Variants in PCDH9 observed in about 807,000 individuals in gnomAD.
The protein encoded by PCDH9 is protocadherin 9, also known as protocadherin-9.
A neutral mutation model predicts 70.6 loss-of-function variants in PCDH9; 24 were observed. The observed-to-expected ratio is 0.34, with a 90% CI of 0.25 to 0.48. The LOEUF is 0.48. Among genes scored for constraint, PCDH9 ranks in the 20% least tolerant of loss-of-function variants. The probability of loss-of-function intolerance (pLI) is 0.99; values close to 1 mark genes in which losing one functional copy is unlikely to be tolerated. For missense variants in PCDH9, 1,281 were observed against 1,503.6 expected, an observed-to-expected ratio of 0.85 and a Z score of 2.45; for synonymous variants, 562 against 558.5, an observed-to-expected ratio of 1.01 and a Z score of -0.09.
At chr13:66,386,879 C>G (rs1202312677) in intron 4 of PCDH9, among the ~76,000 whole-genome samples, 2 of 152,104 alleles carry the variant, frequency 1.3e-5, no homozygotes, top group African/African-American at 4.8e-5. Context: ...CATAGTTTCT[C>G]AGTGTTTCAA....
intron 4 of PCDH9, among the ~76,000 whole-genome samples, chr13:66,339,513 T>C (rs1956092002): frequency 6.6e-6 from 1 of 152,146 alleles, no homozygotes; most frequent in East Asian, 1.9e-4. Context: ...ATACTTTTAC[T>C]TGTTTCTTTA....
intron 3 of PCDH9, among the ~76,000 whole-genome samples, chr13:66,891,384 G>A (rs2082093028): frequency 6.6e-6 from 1 of 151,952 alleles, no homozygotes; most frequent in South Asian, 2.1e-4. Context: ...TAACTAGGCG[G>A]ATAAATGAAT....
At chr13:66,427,166 C>G (rs1403369772) in intron 4 of PCDH9, among the ~76,000 whole-genome samples, 2 of 151,482 alleles carry the variant, frequency 1.3e-5, no homozygotes, top group African/African-American at 4.8e-5. Context: ...TAGAGATGGT[C>G]ATATTAATGT....
rs1161224416 is a variant in PCDH9 at position 66,766,900 on chromosome 13, GT to G, written c.3139-135490del. The stretch of plus-strand genomic sequence containing the variant: ...CATGGTGTTAGAGTACCCCATAGTG[GT>G]TTCATTCAAAAAGTTTTTTGAAAAT... On this transcript the variant is annotated intron_variant, in intron 3 of 4. Transcript: ENST00000377865. Among the ~76,000 whole-genome samples, 4 of 152,022 alleles carry G rather than the reference GT, an allele frequency of 2.6e-5. No homozygotes were observed. The East Asian group carries it at 7.7e-4, about 29-fold the overall frequency.
At chr13:67,185,103 C>G (rs2088718537) in intron 2 of PCDH9, among the ~76,000 whole-genome samples, 1 of 151,984 alleles carries the variant, frequency 6.6e-6, no homozygotes, top group Non-Finnish European at 1.5e-5. Flanking sequence ...TACTAGAGAG[C>G]CTGGCAATTA....
At chr13:67,039,154 T>C (rs535958488) in intron 2 of PCDH9, among the ~76,000 whole-genome samples, 7 of 152,298 alleles carry the variant, frequency 4.6e-5, no homozygotes, top group Admixed American at 2.6e-4. Flanking sequence ...CCTTCTGGAA[T>C]TGGAACTGCA....
At chr13:66,427,668 C>T (rs77619634) in intron 4 of PCDH9, among the ~76,000 whole-genome samples, 2 of 151,788 alleles carry the variant, frequency 1.3e-5, no homozygotes, top group East Asian at 3.9e-4. Flanking sequence ...TAGCCTCTTC[C>T]CACCTTTTTT....
At chr13:66,330,531 A>G (rs198036) in intron 4 of PCDH9, among the ~76,000 whole-genome samples, 151,218 of 152,246 alleles carry the variant, frequency 0.99, 75,108 homozygotes, top group Middle Eastern at 1. Context: ...ACAGTGCTGG[A>G]TTTGTTTTCC....
chr13:66,777,580 G>T lies in PCDH9; in HGVS notation c.3138+125924C>A, dbSNP rs1317539964. 5.3e-5 allele frequency among the ~76,000 whole-genome samples: 8 copies of T among 152,234 alleles called. No individual in the cohort carries two copies. In the South Asian group the frequency reaches 1.7e-3, roughly 32 times the overall value. Reference sequence around the variant, plus strand: ...GAAATGCAAATCAAAACCACAGTGAGATACCATCTCACACCAGTTAGAATG... The same window carrying T: ...GAAATGCAAATCAAAACCACAGTGATATACCATCTCACACCAGTTAGAATG... On this transcript the variant is annotated intron_variant, in intron 3 of 4. Coordinates refer to ENST00000377865, the MANE Select transcript of PCDH9 (RefSeq NM_203487.3).
intron 3 of PCDH9, among the ~76,000 whole-genome samples, chr13:66,671,630 A>G (rs1424692667): frequency 6.6e-6 from 1 of 152,190 alleles, no homozygotes; most frequent in East Asian, 1.9e-4. Context: ...TTTAGCAAAG[A>G]GACTGGTGGC....
chr13:66,385,011 C>G (rs751601617), intron 4 of PCDH9, among the ~76,000 whole-genome samples: 2 of 152,098 alleles, frequency 1.3e-5, no homozygotes, highest in Non-Finnish European at 2.9e-5. Context: ...TCTCTCATTT[C>G]TTCACATTTC....
At chr13:66,773,946 T>G (rs2079850856) in intron 3 of PCDH9, among the ~76,000 whole-genome samples, 1 of 151,596 alleles carries the variant, frequency 6.6e-6, no homozygotes. Flanking sequence ...CCCGGCTAAT[T>G]TTTGTATTTT....
At position 66,304,923 on chromosome 13, in the gene PCDH9, C is replaced by T. The variant is rs1336069735; in HGVS notation, c.3446G>A (p.Gly1149Asp). ...AGGAGATTTGGGGTGTTGATATGGACCCAAGCCAGGAGGCATCCAGCAATT... is the reference window on the plus strand; with the variant it reads ...AGGAGATTTGGGGTGTTGATATGGATCCAAGCCAGGAGGCATCCAGCAATT... ...SDNCWMPPGL[G>D]PYQHPKSPLS... Residue 1149 changes from glycine to aspartate, a missense_variant, in exon 5 of 5, where the codon GGT becomes GAT. Around this residue, in one of 4 missense-constraint regions of PCDH9, gnomAD observed 264 missense variants for 278.8 expected, o/e 0.95. Coordinates refer to ENST00000377865, the MANE Select transcript of PCDH9 (RefSeq NM_203487.3). 6.2e-7 allele frequency: 1 copy of T among 1,613,368 alleles called. No homozygotes were observed. The highest frequency in any genetic ancestry group is 2.2e-5 in the East Asian group (1 of 44,852).
At chr13:66,626,983 G>A (rs1377467696) in intron 4 of PCDH9, among the ~76,000 whole-genome samples, 1 of 150,988 alleles carries the variant, frequency 6.6e-6, no homozygotes, top group Non-Finnish European at 1.5e-5. Context: ...GTGTGTGTGT[G>A]TGTGTTTAGA....
intron 3 of PCDH9, among the ~76,000 whole-genome samples, chr13:66,696,733 G>A (rs994797361): frequency 2.6e-5 from 4 of 151,412 alleles, no homozygotes; most frequent in African/African-American, 9.7e-5. Flanking sequence ...TCCAATGGGA[G>A]CTGGCATTTC....
In PCDH9 at chr13:66,631,032, C is replaced by T. The variant is rs117238554; in HGVS notation, c.3340+178G>A. ...AATGAAGACACATCATACAATTTAA[C>T]AGCCAAAATCATATCAAACATATTA... is the stretch of plus-strand genomic sequence containing the variant. On this transcript the variant is annotated intron_variant, in intron 4 of 4. Transcript: ENST00000377865. Among the ~76,000 whole-genome samples the T allele has an allele frequency of 3.9e-5, 6 of 152,110 alleles. No individual in the cohort carries two copies. In the East Asian group the frequency reaches 1.2e-3, roughly 29 times the overall value.
chr13:66,774,542 G>A (rs973615104), intron 3 of PCDH9, among the ~76,000 whole-genome samples: 3 of 152,250 alleles, frequency 2.0e-5, no homozygotes, highest in Admixed American at 6.5e-5. Flanking sequence ...ACAGATTGAG[G>A]CGGCTGTGTA....
chr13:66,770,460 A>G (rs1415593063), intron 3 of PCDH9, among the ~76,000 whole-genome samples: 1 of 152,178 alleles, frequency 6.6e-6, no homozygotes, highest in Non-Finnish European at 1.5e-5. Flanking sequence ...TCTTAAGGGG[A>G]CAGATCTATA....
intron 3 of PCDH9, among the ~76,000 whole-genome samples, chr13:66,744,730 G>A (rs773764901): frequency 6.6e-6 from 1 of 151,966 alleles, no homozygotes; most frequent in African/African-American, 2.4e-5. Context: ...ATTCTTTCAA[G>A]GTAAACATGG....
Sources: allele counts gnomAD v4.1 joint callset (sites outside exome capture counted in the v4.1 genomes callset), GRCh38; gene constraint gnomAD v4.1.1; regional missense constraint gnomAD v4.1.1; transcripts MANE v1.5; gene names NCBI Gene and HGNC (gene_info 2026-07-23, HGNC 2026-07-21).